DMRT1: variants seen among roughly 807,000 people sequenced by gnomAD.
DMRT1 encodes the protein doublesex- and mab-3-related transcription factor 1.
Under a neutral mutation model 32.3 loss-of-function variants are expected in DMRT1, and 7 were observed. The ratio of observed to expected loss-of-function variants is 0.22; its 90% CI spans 0.12 to 0.41. The LOEUF is 0.41. DMRT1 is among the 10% of genes least tolerant of loss of function. DMRT1 has a pLI of 1.00. For missense variants in DMRT1, 625 were observed against 500.5 expected, an observed-to-expected ratio of 1.25 and a Z score of -2.37; for synonymous variants, 278 against 206.1, an observed-to-expected ratio of 1.35 and a Z score of -2.99.
chr9:894,268 C>A, intron 3 of DMRT1, 73 bp downstream of exon 3: 1 of 1,474,232 alleles, frequency 6.8e-7, no homozygotes, highest in Non-Finnish European at 9.4e-7. Context: ...CATGCACATA[C>A]ACACAGAGGC....
intron 2 of DMRT1, among the ~76,000 whole-genome samples, chr9:870,119 C>G (rs963607167): frequency 1.3e-5 from 2 of 152,146 alleles, no homozygotes; most frequent in Non-Finnish European, 2.9e-5. Context: ...AATAGCTTGC[C>G]GGGCGCGGTG....
chr9:937,950 G>T (rs1336493766), intron 4 of DMRT1, among the ~76,000 whole-genome samples: 1 of 151,102 alleles, frequency 6.6e-6, no homozygotes, highest in East Asian at 1.9e-4. Context: ...ATTTATTTTT[G>T]TTTTTTTAAG....
At chr9:855,084 A>G (rs911203738) in intron 2 of DMRT1, among the ~76,000 whole-genome samples, 6 of 151,820 alleles carry the variant, frequency 4.0e-5, no homozygotes, top group Non-Finnish European at 7.4e-5. Context: ...GATGGCTTTG[A>G]TAGCCTATTT....
intron 4 of DMRT1, among the ~76,000 whole-genome samples, chr9:963,215 T>A (rs72701070): frequency 0.1 from 15,220 of 152,138 alleles, 1,474 homozygotes; most frequent in East Asian, 0.3. Context: ...CATCTATAGG[T>A]TCTTTCATTT....
intron 3 of DMRT1, among the ~76,000 whole-genome samples, chr9:900,159 C>G (rs1456934424): frequency 7.1e-6 from 1 of 140,582 alleles, no homozygotes; most frequent in African/African-American, 2.5e-5. Context: ...ATTGCCTAAA[C>G]CTTTCTACAG....
At chr9:960,029 T>C (rs553153208) in intron 4 of DMRT1, among the ~76,000 whole-genome samples, 91 of 152,254 alleles carry the variant, frequency 6.0e-4, no homozygotes, top group Non-Finnish European at 1.1e-3. Flanking sequence ...AATTTCCATT[T>C]ACCCGAGGTT....
rs5895867 is a variant in DMRT1 at position 864,212 on chromosome 9, CTT to C, written c.538+17081_538+17082del. Among the ~76,000 whole-genome samples the C allele has an allele frequency of 1.3e-3, 181 of 134,890 alleles. 1 individual carries two copies. The highest frequency in any genetic ancestry group is 2.4e-3 in the Admixed American group (32 of 13,392). The allele number at this position is 134,890 out of a possible 152,430, so 88.5% of individuals were successfully genotyped here. A position where few individuals can be genotyped will look rare whatever the true frequency, so the allele number is the denominator to read the frequency against. ...TTAACTTCTTCTTCTTCTTTTTTTT[CTT>C]TTTTTTTTTTTGAGACAGTCTTGCT... On this transcript the variant is annotated intron_variant, in intron 2 of 4. Transcript: ENST00000382276.
intron 4 of DMRT1, among the ~76,000 whole-genome samples, chr9:949,269 G>C (rs1819351158): frequency 6.6e-6 from 1 of 152,020 alleles, no homozygotes; most frequent in African/African-American, 2.4e-5. Context: ...GGGAGGCTGA[G>C]GCAGGAGGAT....
intron 4 of DMRT1, among the ~76,000 whole-genome samples, chr9:950,583 C>T (rs112620264): frequency 0.011 from 1,668 of 152,168 alleles, 20 homozygotes; most frequent in Non-Finnish European, 0.015. Flanking sequence ...AGGGGCTCAA[C>T]GAATGATAGT....
chr9:921,545 T>C (rs751691405), intron 4 of DMRT1, among the ~76,000 whole-genome samples: 38 of 152,300 alleles, frequency 2.5e-4, no homozygotes, highest in Non-Finnish European at 4.9e-4. Flanking sequence ...TAAGTCTATA[T>C]GTAATTTTTG....
Position 849,741 on chromosome 9 carries a change from G to A in DMRT1, c.538+2598G>A, listed in dbSNP as rs549124653. On this transcript the variant is annotated intron_variant, in intron 2 of 4. Coordinates refer to ENST00000382276, the MANE Select transcript of DMRT1 (RefSeq NM_021951.3). ...GAAGGGGCATGTGGAAGCCTACAGCGTGCTGTGCTCATTTGCTCAGGCACA... is the reference window on the plus strand; with the variant it reads ...GAAGGGGCATGTGGAAGCCTACAGCATGCTGTGCTCATTTGCTCAGGCACA... Among the ~76,000 whole-genome samples, 8 of 152,250 alleles carry A rather than the reference G, an allele frequency of 5.3e-5. No individual in the cohort carries two copies. The East Asian group carries it at 9.7e-4, about 18-fold the overall frequency.
intron 2 of DMRT1, among the ~76,000 whole-genome samples, chr9:857,946 G>A (rs1815474518): frequency 6.6e-6 from 1 of 151,866 alleles, no homozygotes; most frequent in Non-Finnish European, 1.5e-5. Context: ...TCCCTACAAA[G>A]GACATGAACT....
chr9:908,257 A>G (rs1257996709), intron 3 of DMRT1, among the ~76,000 whole-genome samples: 2 of 151,978 alleles, frequency 1.3e-5, no homozygotes, highest in South Asian at 2.1e-4. Flanking sequence ...GGAATTCAAG[A>G]CCAGCCTGGG....
intron 2 of DMRT1, among the ~76,000 whole-genome samples, chr9:848,666 G>C (rs1363145108): frequency 1.4e-5 from 2 of 146,122 alleles, no homozygotes. Context: ...TGATTCTCCT[G>C]TCTTAGCCTC....
At chr9:942,473 A>G (rs1302033650) in intron 4 of DMRT1, among the ~76,000 whole-genome samples, 3 of 152,116 alleles carry the variant, frequency 2.0e-5, no homozygotes, top group Non-Finnish European at 2.9e-5. Context: ...GGGTTTAGCC[A>G]TGTTGCCGAA....
intron 2 of DMRT1, among the ~76,000 whole-genome samples, chr9:861,556 T>C (rs1051956141): frequency 2.7e-5 from 4 of 150,768 alleles, no homozygotes; most frequent in African/African-American, 7.4e-5. Context: ...CATCATGGCC[T>C]GTTCTCAATG....
chr9:901,668 GT>G (rs1405175922), intron 3 of DMRT1, among the ~76,000 whole-genome samples: 298 of 146,908 alleles, frequency 2.0e-3, no homozygotes, highest in Non-Finnish European at 2.6e-3. Flanking sequence ...CTTCACATGA[GT>G]TTTTTTTTTT....
intron 2 of DMRT1, among the ~76,000 whole-genome samples, chr9:888,639 A>C (rs1343888817): frequency 2.6e-5 from 4 of 152,066 alleles, no homozygotes; most frequent in African/African-American, 9.7e-5. Flanking sequence ...CAGGACTGTC[A>C]CAGCGATGCA....
chr9:929,352 G>A (rs763206624), intron 4 of DMRT1, among the ~76,000 whole-genome samples: 3 of 152,006 alleles, frequency 2.0e-5, no homozygotes, highest in East Asian at 3.9e-4. Flanking sequence ...GGCTGGACTC[G>A]AGCTCCTAGG....
Sources: gnomAD v4.1 joint callset for allele counts (sites outside exome capture counted in the v4.1 genomes callset) on GRCh38, gnomAD v4.1.1 for gene constraint, MANE v1.5 for transcripts, NCBI Gene and HGNC (gene_info 2026-07-23, HGNC 2026-07-21) for gene names.